Variants in TRAM2 observed in about 807,000 individuals in gnomAD.
TRAM2 encodes the protein translocation associated membrane protein 2.
TRAM2 carries 12 observed loss-of-function variants against 51.0 expected under a neutral mutation model. The ratio of observed to expected loss-of-function variants is 0.24; its 90% CI spans 0.15 to 0.38. The LOEUF is 0.38. TRAM2 is among the 10% of genes least tolerant of loss of function. The probability of loss-of-function intolerance (pLI) is 1.00; values close to 1 mark genes in which losing one functional copy is unlikely to be tolerated. For missense variants in TRAM2, 361 were observed against 462.0 expected, an observed-to-expected ratio of 0.78 and a Z score of 2.00; for synonymous variants, 175 against 179.4, an observed-to-expected ratio of 0.98 and a Z score of 0.20.
chr6:52,499,387 T>G lies in TRAM2; in HGVS notation c.*3810A>C, dbSNP rs77605099. On this transcript the variant is annotated 3_prime_UTR_variant, in exon 11 of 11. Coordinates refer to ENST00000182527, the MANE Select transcript of TRAM2 (RefSeq NM_012288.4). The stretch of plus-strand genomic sequence containing the variant: ...GCCATAGGCCCTTAAGCAAAAGAAT[T>G]AGTTATGTGCAGACTTCCCTACCTC... 2.0e-5 allele frequency: 3 copies of G among 152,066 alleles called. No homozygotes were observed. The highest frequency in any genetic ancestry group is 4.4e-5 in the Non-Finnish European group (3 of 68,014). The allele number at this position is 152,066 out of a possible 1,614,324, so 9.4% of individuals were successfully genotyped here.
At chr6:52,538,586 T>C (rs1767015227) in intron 1 of TRAM2, among the ~76,000 whole-genome samples, 1 of 152,150 alleles carries the variant, frequency 6.6e-6, no homozygotes, top group African/African-American at 2.4e-5. Context: ...GCACTGGTGT[T>C]CAACTCCGGC....
chr6:52,571,239 T>C (rs1767675412), intron 1 of TRAM2, among the ~76,000 whole-genome samples: 1 of 152,216 alleles, frequency 6.6e-6, no homozygotes, highest in South Asian at 2.1e-4. Context: ...TCCGCTCTTA[T>C]CAACCCTCTG....
intron 1 of TRAM2, among the ~76,000 whole-genome samples, chr6:52,570,360 C>G (rs1318202627): frequency 6.6e-5 from 10 of 152,182 alleles, no homozygotes; most frequent in Non-Finnish European, 1.5e-4. Context: ...GAACAAAGAC[C>G]TACAGACATT....
At chr6:52,524,760 T>G (rs1358305024) in intron 2 of TRAM2, 1 of 152,196 alleles carries the variant, frequency 6.6e-6, no homozygotes, top group African/African-American at 2.4e-5. Flanking sequence ...CTCTATTTTT[T>G]TTTTCTTCCA....
At chr6:52,576,092 CCTGT>C (rs1327033249) in intron 1 of TRAM2, among the ~76,000 whole-genome samples, 1 of 152,154 alleles carries the variant, frequency 6.6e-6, no homozygotes, top group Non-Finnish European at 1.5e-5. Context: ...GGAGGGTATC[CCTGT>C]CTCTCTTCTT....
intron 1 of TRAM2, among the ~76,000 whole-genome samples, chr6:52,547,617 A>C (rs932738439): frequency 1.3e-5 from 2 of 152,112 alleles, no homozygotes; most frequent in Non-Finnish European, 2.9e-5. Context: ...CTACACTGCC[A>C]CTCTCAGCAG....
At chr6:52,527,164 A>G (rs1449390629) in intron 2 of TRAM2, among the ~76,000 whole-genome samples, 1 of 152,024 alleles carries the variant, frequency 6.6e-6, no homozygotes, top group Non-Finnish European at 1.5e-5. Flanking sequence ...GGATCACTTG[A>G]GGTCAGGGGT....
At chr6:52,559,211 T>C (rs1056718931) in intron 1 of TRAM2, among the ~76,000 whole-genome samples, 1 of 152,138 alleles carries the variant, frequency 6.6e-6, no homozygotes, top group African/African-American at 2.4e-5. Flanking sequence ...CCCACTGTCA[T>C]CCCCAGGGGT....
intron 1 of TRAM2, among the ~76,000 whole-genome samples, chr6:52,539,999 C>A (rs1257577365): frequency 2.6e-5 from 4 of 151,762 alleles, no homozygotes; most frequent in African/African-American, 9.7e-5. Flanking sequence ...GGATCTACGG[C>A]CATAATCATG....
At chr6:52,527,429 A>G (rs1012193083) in intron 2 of TRAM2, among the ~76,000 whole-genome samples, 15 of 150,976 alleles carry the variant, frequency 9.9e-5, no homozygotes, top group African/African-American at 3.6e-4. Context: ...CTACCTAGGT[A>G]GAAGAAACGA....
intron 2 of TRAM2, among the ~76,000 whole-genome samples, chr6:52,527,190 C>A (rs1374843738): frequency 2.7e-5 from 4 of 147,326 alleles, no homozygotes; most frequent in African/African-American, 1.0e-4. Flanking sequence ...ACCAACCTGG[C>A]CAACATGGTG....
intron 2 of TRAM2, chr6:52,529,522 G>C (rs1766847339): frequency 6.6e-6 from 1 of 152,192 alleles, no homozygotes. Flanking sequence ...GGTGGGGCCT[G>C]AGAGTGTGTT....
chr6:52,529,196 T>C (rs1412169736), intron 2 of TRAM2, among the ~76,000 whole-genome samples: 1 of 152,096 alleles, frequency 6.6e-6, no homozygotes, highest in Non-Finnish European at 1.5e-5. Flanking sequence ...CAGCCACAAA[T>C]GTGTACATGA....
At chr6:52,567,391 T>C (rs1767606813) in intron 1 of TRAM2, among the ~76,000 whole-genome samples, 1 of 152,258 alleles carries the variant, frequency 6.6e-6, no homozygotes, top group Admixed American at 6.5e-5. Context: ...GTTAGCTGGC[T>C]TGAATTTCAA....
chr6:52,536,633 G>A (rs1581884013), intron 1 of TRAM2, among the ~76,000 whole-genome samples: 1 of 152,154 alleles, frequency 6.6e-6, no homozygotes, highest in African/African-American at 2.4e-5. Context: ...TATACGCTGA[G>A]CCTCAGTCTG....
intron 2 of TRAM2, among the ~76,000 whole-genome samples, chr6:52,519,582 T>G (rs748845405): frequency 1.3e-5 from 2 of 152,214 alleles, no homozygotes; most frequent in Non-Finnish European, 2.9e-5. Flanking sequence ...GAAAACAGTA[T>G]AGTGATTCTT....
chr6:52,564,326 C>T (rs1767554294), intron 1 of TRAM2, among the ~76,000 whole-genome samples: 1 of 152,160 alleles, frequency 6.6e-6, no homozygotes, highest in Non-Finnish European at 1.5e-5. Context: ...ATTACCTAAG[C>T]TGAGGACCAA....
chr6:52,576,166 C>T (rs1278693626), intron 1 of TRAM2, among the ~76,000 whole-genome samples: 1 of 152,120 alleles, frequency 6.6e-6, no homozygotes, highest in Non-Finnish European at 1.5e-5. Flanking sequence ...GGACAGTTCA[C>T]GGAGTGGTAA....
chr6:52,568,518 T>C (rs962511885), intron 1 of TRAM2, among the ~76,000 whole-genome samples: 4 of 152,230 alleles, frequency 2.6e-5, no homozygotes, highest in Admixed American at 6.5e-5. Flanking sequence ...GCTCGCCCTG[T>C]GATTTCCTGC....
Sources: allele counts gnomAD v4.1 joint callset (sites outside exome capture counted in the v4.1 genomes callset), GRCh38; gene constraint gnomAD v4.1.1; transcripts MANE v1.5; gene names NCBI Gene and HGNC (gene_info 2026-07-23, HGNC 2026-07-21).